MKX: variants seen among roughly 807,000 people sequenced by gnomAD.
The protein encoded by MKX is homeobox protein Mohawk.
Under a neutral mutation model 36.0 loss-of-function variants are expected in MKX, and 13 were observed. The ratio of observed to expected loss-of-function variants is 0.36; its 90% CI spans 0.24 to 0.57. The LOEUF is 0.57. Ranked by LOEUF, MKX falls within the 20% of genes least tolerant of loss-of-function variation. MKX has a pLI of 0.79. For missense variants in MKX, 458 were observed against 456.4 expected, an observed-to-expected ratio of 1.00 and a Z score of -0.03; for synonymous variants, 176 against 178.3, an observed-to-expected ratio of 0.99 and a Z score of 0.10.
intron 5 of MKX, among the ~76,000 whole-genome samples, chr10:27,707,293 A>T (rs1405630461): frequency 6.6e-6 from 1 of 152,162 alleles, no homozygotes; most frequent in Non-Finnish European, 1.5e-5. Flanking sequence ...TTACAAATGC[A>T]TTGGTCTATA....
rs550575788 is a variant in MKX at position 27,743,184 on chromosome 10, C to T, written c.188+44G>A. On this transcript the variant is annotated intron_variant, in intron 2 of 6. Coordinates refer to ENST00000419761, the MANE Select transcript of MKX (RefSeq NM_173576.3). Reference sequence around the variant, plus strand: ...CCGTCACAGCTCACCACCCCCACCCCTCCGGGCCGCAGGCGGGCAGGGCCC... The same window carrying T: ...CCGTCACAGCTCACCACCCCCACCCTTCCGGGCCGCAGGCGGGCAGGGCCC... The T allele has an allele frequency of 1.4e-5, 20 of 1,415,726 alleles. No homozygotes were observed. The African/African-American group carries it at 2.8e-4, about 20-fold the overall frequency. The allele number at this position is 1,415,726 out of a possible 1,614,324, so 87.7% of individuals were successfully genotyped here.
intron 5 of MKX, among the ~76,000 whole-genome samples, chr10:27,729,446 A>G (rs901169342): frequency 1.3e-5 from 2 of 152,072 alleles, no homozygotes; most frequent in African/African-American, 4.8e-5. Context: ...CTGGGATCAC[A>G]GGCGCGCTCC....
chr10:27,741,602 C>T lies in MKX; in HGVS notation c.189-98G>A. The stretch of plus-strand genomic sequence containing the variant: ...AAGCCCGGGCCCCGCATCCAAACTG[C>T]GCATTCCTGCCTTGCGCCCCTGCTT... On this transcript the variant is annotated intron_variant, in intron 2 of 6. Coordinates refer to ENST00000419761, the MANE Select transcript of MKX (RefSeq NM_173576.3). The surrounding 1 kb of genome is among the most constrained non-coding windows in gnomAD (Gnocchi z 5.1). 2 of 1,372,374 alleles carry T rather than the reference C, an allele frequency of 1.5e-6. No individual in the cohort carries two copies. Among genetic ancestry groups the T allele is most frequent in the Non-Finnish European group, 1.9e-6 (2 of 1,036,872 alleles). The allele number at this position is 1,372,374 out of a possible 1,614,324, so 85.0% of individuals were successfully genotyped here. A position where few individuals can be genotyped will look rare whatever the true frequency, so the allele number is the denominator to read the frequency against.
At chr10:27,682,691 G>A (rs1006644675) in intron 5 of MKX, among the ~76,000 whole-genome samples, 5 of 152,100 alleles carry the variant, frequency 3.3e-5, no homozygotes, top group African/African-American at 4.8e-5. Context: ...CAAAAGAAGC[G>A]CACAACTGAC....
At chr10:27,677,644 T>C (rs916332379) in intron 5 of MKX, among the ~76,000 whole-genome samples, 1 of 152,134 alleles carries the variant, frequency 6.6e-6, no homozygotes, top group Non-Finnish European at 1.5e-5. Flanking sequence ...CTCTGAGCTC[T>C]TTTCACAACC....
In MKX at chr10:27,734,695, G is replaced by A. The variant is rs201511812; in HGVS notation, c.599C>T (p.Ala200Val). The change falls in exon 5 of 7, where the codon GCG becomes GTG. Residue 200 changes from alanine (A) to valine (V), a missense_variant. By Grantham distance (64) the Ala-to-Val change is moderately conservative (BLOSUM62 0). Coordinates refer to ENST00000419761, the MANE Select transcript of MKX (RefSeq NM_173576.3). The part of the protein sequence containing the change: ...VIKSENSVIK[A>V]GVRPESRASE... Reference sequence around the variant, plus strand: ...GGCCCGTGACTCTGGCCTCACTCCCGCTTTGATGACCGAATTCTCACTTTT... The same window carrying A: ...GGCCCGTGACTCTGGCCTCACTCCCACTTTGATGACCGAATTCTCACTTTT... The A allele has an allele frequency of 2.8e-5, 46 of 1,614,046 alleles. No individual in the cohort carries two copies. Among genetic ancestry groups the A allele is most frequent in the Middle Eastern group, 1.6e-4 (1 of 6,062 alleles).
intron 4 of MKX, 27 bp from the exon 5 acceptor site, chr10:27,734,818 G>T (rs12218027): frequency 1.3e-6 from 2 of 1,529,590 alleles, no homozygotes; most frequent in East Asian, 2.3e-5. Context: ...TCACTAAGTA[G>T]GGTGGTATGC....
chr10:27,687,815 G>A (rs938900455), intron 5 of MKX, among the ~76,000 whole-genome samples: 1 of 152,204 alleles, frequency 6.6e-6, no homozygotes, highest in African/African-American at 2.4e-5. Flanking sequence ...TGCAGTCTAT[G>A]GGGAGGCCAG....
chr10:27,706,835 A>C (rs530802378), intron 5 of MKX, among the ~76,000 whole-genome samples: 1 of 152,180 alleles, frequency 6.6e-6, no homozygotes, highest in Non-Finnish European at 1.5e-5. Context: ...TTGCTCTTAA[A>C]TCCATAAAGA....
chr10:27,675,424 A>G lies in MKX; in HGVS notation c.873-9T>C, dbSNP rs1456158844. ...CTTTTCTGTTAGCTGCGCTGGAGTT[A>G]AGCAAAACAGAAAGTAAACGATCAA... On this transcript the variant is annotated splice_polypyrimidine_tract_variant and intron_variant, in intron 6 of 6. Coordinates refer to ENST00000419761, the MANE Select transcript of MKX (RefSeq NM_173576.3). 1.9e-6 allele frequency: 3 copies of G among 1,614,000 alleles called. No homozygotes were observed. The Admixed American group carries it at 5.0e-5, about 27-fold the overall frequency.
At chr10:27,713,042 G>A (rs537693235) in intron 5 of MKX, among the ~76,000 whole-genome samples, 118 of 152,294 alleles carry the variant, frequency 7.7e-4, no homozygotes, top group Non-Finnish European at 7.9e-4. Flanking sequence ...CAAGCTTTCC[G>A]AGAGTGGGGA....
At chr10:27,725,660 T>C (rs1834472127) in intron 5 of MKX, among the ~76,000 whole-genome samples, 1 of 149,660 alleles carries the variant, frequency 6.7e-6, no homozygotes, top group South Asian at 2.1e-4. Flanking sequence ...AGGAAAAAAC[T>C]AACTGCAACT....
At chr10:27,680,252 T>A (rs986236238) in intron 5 of MKX, among the ~76,000 whole-genome samples, 2 of 151,606 alleles carry the variant, frequency 1.3e-5, no homozygotes, top group African/African-American at 4.9e-5. Flanking sequence ...CTTTTTAGAT[T>A]CCAAGGTTCC....
chr10:27,701,477 G>A (rs2451921), intron 5 of MKX, among the ~76,000 whole-genome samples: 113,019 of 144,640 alleles, frequency 0.78, 44,289 homozygotes, highest in Admixed American at 0.84. Flanking sequence ...TATATAAAAG[G>A]TGTATAAATA....
At chr10:27,690,941 T>C (rs1244505480) in intron 5 of MKX, among the ~76,000 whole-genome samples, 1 of 152,188 alleles carries the variant, frequency 6.6e-6, no homozygotes, top group Non-Finnish European at 1.5e-5. Context: ...GAGGGAACTC[T>C]CATGAGAGCT....
At chr10:27,689,167 T>A (rs900277442) in intron 5 of MKX, among the ~76,000 whole-genome samples, 6 of 152,222 alleles carry the variant, frequency 3.9e-5, no homozygotes, top group Admixed American at 3.9e-4. Context: ...GAAATCTCCG[T>A]GTTAAACCTG....
intron 5 of MKX, among the ~76,000 whole-genome samples, chr10:27,708,463 T>C (rs571817920): frequency 1.3e-5 from 2 of 152,282 alleles, no homozygotes; most frequent in Admixed American, 1.3e-4. Context: ...CGGGCGCGGT[T>C]GCTCATGGCT....
chr10:27,686,088 G>C (rs1027639418), intron 5 of MKX, among the ~76,000 whole-genome samples: 1 of 152,104 alleles, frequency 6.6e-6, no homozygotes, highest in Admixed American at 6.6e-5. Flanking sequence ...ACTAAAGCCT[G>C]GTGAAGATCA....
rs749757379 is a variant in MKX at position 27,711,429 on chromosome 10, CTCTT to C, written c.838+23023_838+23026del. Reference sequence around the variant, plus strand: ...CTTTCCTTCTTTCTTTCTTTCTTTTCTCTTTCTTTCTTTCTTTCTTTCTTTCTTT... The same window carrying C: ...CTTTCCTTCTTTCTTTCTTTCTTTTCTCTTTCTTTCTTTCTTTCTTTCTTT... On this transcript the variant is annotated intron_variant, in intron 5 of 6. Coordinates refer to ENST00000419761, the MANE Select transcript of MKX (RefSeq NM_173576.3). 4.8e-3 allele frequency among the ~76,000 whole-genome samples: 548 copies of C among 114,610 alleles called. 3 individuals carry two copies. Among genetic ancestry groups the C allele is most frequent in the Admixed American group, 0.011 (126 of 11,156 alleles). 75.2% of individuals were successfully genotyped at this position (114,610 alleles called of 152,430 possible). A position where few individuals can be genotyped will look rare whatever the true frequency, so the allele number is the denominator to read the frequency against.
Sources: allele counts gnomAD v4.1 joint callset (sites outside exome capture counted in the v4.1 genomes callset), GRCh38; gene constraint gnomAD v4.1.1; non-coding constraint Gnocchi (gnomAD v3.1); transcripts MANE v1.5; gene names NCBI Gene and HGNC (gene_info 2026-07-23, HGNC 2026-07-21).